The following ITGA11 variants were observed in gnomAD, a reference collection of about 807,000 sequenced individuals.
ITGA11 encodes integrin subunit alpha 11.
In ITGA11, 97 loss-of-function variants were observed where a neutral mutation model predicts 141.9. The observed-to-expected ratio is 0.68, with a 90% CI of 0.58 to 0.81. The LOEUF is 0.81. Among genes scored for constraint, ITGA11 ranks in the 30% least tolerant of loss-of-function variants. ITGA11 has a pLI of 0.00. For synonymous variants in ITGA11, 658 were observed against 624.6 expected (o/e 1.05, Z -0.80); for missense variants, 1,387 against 1,559.2 (o/e 0.89, Z 1.86).
chr15:68,312,913 G>T, intron 23 of ITGA11, 50 bp from the exon 24 acceptor site: 1 of 1,314,992 alleles, frequency 7.6e-7, no homozygotes. Flanking sequence ...GGGCTGGCTG[G>T]ATGGACAGAT....
chr15:68,348,492 T>C (rs1894807103), intron 10 of ITGA11, among the ~76,000 whole-genome samples: 1 of 152,248 alleles, frequency 6.6e-6, no homozygotes, highest in Non-Finnish European at 1.5e-5. Flanking sequence ...GGTGAAATTA[T>C]GGGATTATTG....
intron 4 of ITGA11, among the ~76,000 whole-genome samples, chr15:68,362,817 ATGGATGAATTAG>A (rs1209202816): frequency 6.6e-6 from 1 of 151,844 alleles, no homozygotes; most frequent in Non-Finnish European, 1.5e-5. Context: ...TGGATAGATG[ATGGATGAATTAG>A]TGGATGGATG....
chr15:68,421,502 G>C (rs1389435435), intron 1 of ITGA11, among the ~76,000 whole-genome samples: 3 of 152,188 alleles, frequency 2.0e-5, no homozygotes, highest in Non-Finnish European at 4.4e-5. Flanking sequence ...TCCTCTGGCT[G>C]CTGGGTGGGA....
intron 4 of ITGA11, chr15:68,361,994 C>T: frequency 3.3e-6 from 1 of 307,192 alleles, no homozygotes; most frequent in South Asian, 3.5e-5. Context: ...ACTTCTTCAC[C>T]CTACCTGCCC....
intron 24 of ITGA11, among the ~76,000 whole-genome samples, chr15:68,312,456 C>A (rs1467207529): frequency 1.3e-5 from 2 of 152,210 alleles, no homozygotes; most frequent in African/African-American, 4.8e-5. Context: ...CTTTGTGAAG[C>A]TGCCAACTCT....
At chr15:68,329,152 A>G (rs1481714626) in intron 15 of ITGA11, among the ~76,000 whole-genome samples, 1 of 152,194 alleles carries the variant, frequency 6.6e-6, no homozygotes, top group Non-Finnish European at 1.5e-5. Flanking sequence ...TCTTGGCTCC[A>G]CGGGCTCCTC....
chr15:68,319,669 T>G (rs1470144478), intron 20 of ITGA11, among the ~76,000 whole-genome samples: 3 of 152,216 alleles, frequency 2.0e-5, no homozygotes, highest in African/African-American at 7.2e-5. Flanking sequence ...CAGGGTGCAC[T>G]GTTGGTAGAA....
In ITGA11 at chr15:68,328,179, C is replaced by T; in HGVS notation, c.1985G>A (p.Ser662Asn). 6.2e-7 allele frequency: 1 copy of T among 1,613,916 alleles called. No homozygotes were observed. The highest frequency in any genetic ancestry group is 2.2e-5 in the East Asian group (1 of 44,880). Reference sequence around the variant, plus strand: ...GGCCAGGCAGGTGGCATCCCTGCCACTGCGCTTGCAGTCTCTGTGGAAGAT... The same window carrying T: ...GGCCAGGCAGGTGGCATCCCTGCCATTGCGCTTGCAGTCTCTGTGGAAGAT... ...INIFHRDCKR[S>N]GRDATCLAAF... The change falls in exon 16 of 30, where the codon AGT becomes AAT. Residue 662 changes from serine (S) to asparagine (N), a missense_variant. Transcript: ENST00000315757. This position sits in a 1 kb window ranked among gnomAD's most constrained non-coding sequence, Gnocchi z 4.8.
intron 11 of ITGA11, among the ~76,000 whole-genome samples, chr15:68,339,124 G>A (rs528450514): frequency 1.3e-5 from 2 of 152,306 alleles, no homozygotes; most frequent in East Asian, 1.9e-4. Context: ...GGTTCCACTC[G>A]ACTTGCGTTT....
intron 22 of ITGA11, among the ~76,000 whole-genome samples, chr15:68,314,793 C>T (rs1201672113): frequency 2.6e-5 from 4 of 152,188 alleles, no homozygotes; most frequent in African/African-American, 7.2e-5. Flanking sequence ...GTAGCTGGGA[C>T]GCGAGCACGT....
At chr15:68,374,411 C>G (rs971441113) in intron 2 of ITGA11, among the ~76,000 whole-genome samples, 1 of 152,186 alleles carries the variant, frequency 6.6e-6, no homozygotes, top group African/African-American at 2.4e-5. Context: ...ATGCAGGTTC[C>G]TTGGGCCAGC....
At chr15:68,383,912 G>A (rs932371151) in intron 2 of ITGA11, among the ~76,000 whole-genome samples, 2 of 152,170 alleles carry the variant, frequency 1.3e-5, no homozygotes, top group Non-Finnish European at 2.9e-5. Flanking sequence ...GGAGTGGGAA[G>A]AGACGGGTGG....
chr15:68,381,103 C>T (rs1895851292), intron 2 of ITGA11, among the ~76,000 whole-genome samples: 1 of 152,148 alleles, frequency 6.6e-6, no homozygotes, highest in Non-Finnish European at 1.5e-5. Flanking sequence ...ACTCACAGAC[C>T]TCTTAGAAAA....
Position 68,351,375 on chromosome 15 carries a change from C to A in ITGA11, c.777G>T (p.Arg259Ser). The change falls in exon 8 of 30, where the codon AGG (arginine) becomes AGT (serine). Residue 259 changes from arginine (R) to serine (S), a missense_variant. Physicochemically the swap from Arg to Ser is moderately radical, Grantham distance 110. Coordinates refer to ENST00000315757, the MANE Select transcript of ITGA11 (RefSeq NM_001004439.2). ...ARSEAFQKGGRKGAKKVMIVI... is the reference protein window; with the variant it reads ...ARSEAFQKGGSKGAKKVMIVI... ...CAATCATCACCTTCTTGGCTCCTTT[C>A]CTTCCACCCTTCTGGAAAGCCTCTG... The A allele has an allele frequency of 6.2e-7, 1 of 1,613,954 alleles. No individual in the cohort carries two copies. The highest frequency in any genetic ancestry group is 8.5e-7 in the Non-Finnish European group (1 of 1,179,888).
chr15:68,366,372 G>T (rs1012265096), intron 3 of ITGA11, among the ~76,000 whole-genome samples: 1 of 152,134 alleles, frequency 6.6e-6, no homozygotes, highest in African/African-American at 2.4e-5. Flanking sequence ...TAAAGAGCAA[G>T]ATCTTTAGCC....
In ITGA11 at chr15:68,305,685, A is replaced by G. The variant is rs1053279733; in HGVS notation, c.3381+1663T>C. On this transcript the variant is annotated intron_variant, in intron 28 of 29. Transcript: ENST00000315757. The surrounding 1 kb of genome is among the most constrained non-coding windows in gnomAD (Gnocchi z 4.6). ...ACATGCCTCGGTGTGCATACCTGAG[A>G]GATGGGGGTGGGGACAGTGCCTCAC... Among the ~76,000 whole-genome samples, 1 of 152,196 alleles carries G rather than the reference A, an allele frequency of 6.6e-6. No homozygotes were observed. Among genetic ancestry groups the G allele is most frequent in the East Asian group, 1.9e-4 (1 of 5,176 alleles).
intron 1 of ITGA11, among the ~76,000 whole-genome samples, chr15:68,411,967 C>A (rs907653074): frequency 6.6e-6 from 1 of 151,968 alleles, no homozygotes; most frequent in Admixed American, 6.6e-5. Context: ...GAGGTCAGCA[C>A]CCCCAAACTC....
At chr15:68,427,494 T>TG (rs949479585) in intron 1 of ITGA11, among the ~76,000 whole-genome samples, 3 of 152,250 alleles carry the variant, frequency 2.0e-5, no homozygotes, top group African/African-American at 7.2e-5. Context: ...TTCTGCTGCT[T>TG]GGTGAGTGCT....
chr15:68,405,920 A>G (rs1415050628), intron 1 of ITGA11, among the ~76,000 whole-genome samples: 3 of 152,184 alleles, frequency 2.0e-5, no homozygotes, highest in Non-Finnish European at 2.9e-5. Context: ...GTGCACACAC[A>G]CACAGACACA....
Sources: allele counts gnomAD v4.1 joint callset (sites outside exome capture counted in the v4.1 genomes callset), GRCh38; gene constraint gnomAD v4.1.1; non-coding constraint Gnocchi (gnomAD v3.1); transcripts MANE v1.5; gene names NCBI Gene and HGNC (gene_info 2026-07-23, HGNC 2026-07-21).